The following DNM3 variants were observed in gnomAD, a reference collection of about 807,000 sequenced individuals.
The protein encoded by DNM3 is dynamin 3, also known as dynamin-3.
DNM3 carries 47 observed loss-of-function variants against 101.6 expected under a neutral mutation model. The ratio of observed to expected loss-of-function variants is 0.46; its 90% CI spans 0.37 to 0.59. The LOEUF (loss-of-function observed/expected upper bound fraction) is 0.59, where lower values mean the gene tolerates loss of function less well. Ranked by LOEUF, DNM3 falls within the 20% of genes least tolerant of loss-of-function variation. The pLI, the probability that DNM3 is intolerant of heterozygous loss-of-function variation, is 0.00. For missense variants in DNM3, 849 were observed against 1,085.7 expected (o/e 0.78, Z 3.06); for synonymous variants, 385 against 387.9 (o/e 0.99, Z 0.09).
chr1:172,386,992 C>T (rs747866004), intron 18 of DNM3, 141 bp from the exon 19 acceptor site: 1 of 662,674 alleles, frequency 1.5e-6, no homozygotes, highest in South Asian at 1.9e-5. Flanking sequence ...TAAACAGACG[C>T]TTGGTGCTTC....
At chr1:172,286,906 C>G (rs2063722944) in intron 15 of DNM3, among the ~76,000 whole-genome samples, 1 of 152,232 alleles carries the variant, frequency 6.6e-6, no homozygotes, top group South Asian at 2.1e-4. Flanking sequence ...ATGTCTTGCT[C>G]ATACTTCAAC....
intron 13 of DNM3, among the ~76,000 whole-genome samples, chr1:172,122,318 A>T (rs2056372431): frequency 6.6e-6 from 1 of 152,190 alleles, no homozygotes; most frequent in Non-Finnish European, 1.5e-5. Flanking sequence ...AATAGGTACT[A>T]ATCTAAATCC....
intron 4 of DNM3, among the ~76,000 whole-genome samples, chr1:172,021,031 G>A (rs902500545): frequency 1.3e-5 from 2 of 152,194 alleles, no homozygotes; most frequent in Non-Finnish European, 2.9e-5. Flanking sequence ...TTTGGGAACA[G>A]CTAATTGTCT....
At chr1:172,305,219 G>A (rs1032463939) in intron 15 of DNM3, among the ~76,000 whole-genome samples, 3 of 152,152 alleles carry the variant, frequency 2.0e-5, no homozygotes, top group African/African-American at 4.8e-5. Context: ...CGATCCCACA[G>A]AAATACAAAC....
chr1:171,893,077 C>T (rs1277907334), intron 1 of DNM3, among the ~76,000 whole-genome samples: 1 of 149,868 alleles, frequency 6.7e-6, no homozygotes, highest in East Asian at 1.9e-4. Context: ...GCAGACTCCA[C>T]TCATTTCCAA....
At chr1:171,880,913 A>T (rs1222423896) in intron 1 of DNM3, among the ~76,000 whole-genome samples, 1 of 152,162 alleles carries the variant, frequency 6.6e-6, no homozygotes, top group East Asian at 1.9e-4. Flanking sequence ...AGTAAAAAAA[A>T]AACCTATGTG....
At position 172,038,332 on chromosome 1, in the gene DNM3, AC is replaced by A; in HGVS notation, c.864del (p.His288GlnfsTer20). On this transcript the variant is annotated frameshift_variant, in exon 7 of 21. Coordinates refer to ENST00000627582, the MANE Select transcript of DNM3 (RefSeq NM_015569.5). LOFTEE classifies it high-confidence loss of function. ...QKVLNQQLTNHIRDTLPNFRN... is the reference protein window; with the variant it reads ...QKVLNQQLTNXIRDTLPNFRN... ...TGTTTTGTTTAGCAACTTACCAACC[AC>A]ATTCGGGATACCCTACCAAACTTCA... 1 of 1,613,330 alleles carries A rather than the reference AC, an allele frequency of 6.2e-7. No homozygotes were observed. The highest frequency in any genetic ancestry group is 8.5e-7 in the Non-Finnish European group (1 of 1,179,494).
At chr1:171,916,466 C>G (rs2039716980) in intron 1 of DNM3, among the ~76,000 whole-genome samples, 1 of 152,224 alleles carries the variant, frequency 6.6e-6, no homozygotes, top group African/African-American at 2.4e-5. Context: ...TTTATCCTAA[C>G]TCTTCCATAT....
chr1:171,981,527 A>G (rs910722423), intron 2 of DNM3, among the ~76,000 whole-genome samples: 1 of 152,256 alleles, frequency 6.6e-6, no homozygotes, highest in East Asian at 1.9e-4. Flanking sequence ...GCATAAATGC[A>G]TCTCATCCTT....
intron 15 of DNM3, among the ~76,000 whole-genome samples, chr1:172,253,895 C>T (rs1016540237): frequency 1.3e-5 from 2 of 152,022 alleles, no homozygotes; most frequent in African/African-American, 2.4e-5. Context: ...CAAGTGTTAA[C>T]TAATTATTTC....
chr1:171,970,852 T>C (rs2043940566), intron 2 of DNM3, among the ~76,000 whole-genome samples: 1 of 152,028 alleles, frequency 6.6e-6, no homozygotes, highest in South Asian at 2.1e-4. Context: ...AAGAATCAAG[T>C]AGCTATTATC....
intron 15 of DNM3, among the ~76,000 whole-genome samples, chr1:172,297,509 C>T (rs1451006538): frequency 6.6e-6 from 1 of 151,892 alleles, no homozygotes; most frequent in East Asian, 1.9e-4. Context: ...TAATTTTGGC[C>T]TTAATCTGTG....
Position 172,410,687 on chromosome 1 carries a change from G to A in DNM3, c.*2846G>A, listed in dbSNP as rs141075507. 254 of 985,322 alleles carry A rather than the reference G, an allele frequency of 2.6e-4. 1 individual carries two copies. In the East Asian group the frequency reaches 0.021, roughly 81 times the overall value. The allele number at this position is 985,322 out of a possible 1,614,324, so 61.0% of individuals were successfully genotyped here. A position where few individuals can be genotyped will look rare whatever the true frequency, so the allele number is the denominator to read the frequency against. ...CCGTGTTTTATAACATAGACGAGCA[G>A]TAGGGTCTGTTTATTAGCAAATTTC... On this transcript the variant is annotated 3_prime_UTR_variant, in exon 21 of 21. Coordinates refer to ENST00000627582, the MANE Select transcript of DNM3 (RefSeq NM_015569.5).
At chr1:172,379,566 T>C (rs764363035) in intron 18 of DNM3, among the ~76,000 whole-genome samples, 4 of 152,082 alleles carry the variant, frequency 2.6e-5, no homozygotes, top group African/African-American at 9.7e-5. Context: ...CCTATGCCCA[T>C]GCGTGTGCAT....
intron 1 of DNM3, among the ~76,000 whole-genome samples, chr1:171,865,354 A>G (rs1400503985): frequency 1.3e-5 from 2 of 151,778 alleles, no homozygotes; most frequent in East Asian, 1.9e-4. Flanking sequence ...CATCTCTACA[A>G]AAAAATACAA....
At chr1:171,843,595 T>C (rs1200653357) in intron 1 of DNM3, among the ~76,000 whole-genome samples, 1 of 152,236 alleles carries the variant, frequency 6.6e-6, no homozygotes, top group Non-Finnish European at 1.5e-5. Flanking sequence ...CTCCCATATA[T>C]TTACTTGGAT....
rs1436561784 is a variant in DNM3 at position 171,988,843 on chromosome 1, A to G, written c.386-102A>G. 2.9e-6 allele frequency: 3 copies of G among 1,032,788 alleles called. No individual in the cohort carries two copies. The African/African-American group carries it at 4.8e-5, about 17-fold the overall frequency. 64.0% of individuals were successfully genotyped at this position (1,032,788 alleles called of 1,614,324 possible). On this transcript the variant is annotated intron_variant, in intron 3 of 20. Transcript: ENST00000627582. ...CTACACACATGGGTTGGAGTTGTTC[A>G]GATACACAAAGTAGAAGGCTGAGCT...
intron 14 of DNM3, among the ~76,000 whole-genome samples, chr1:172,203,316 G>T (rs2060214841): frequency 6.6e-6 from 1 of 152,122 alleles, no homozygotes; most frequent in African/African-American, 2.4e-5. Flanking sequence ...CTGAGAATTG[G>T]TGTTGCATTT....
chr1:172,398,660 G>A (rs992999252), intron 20 of DNM3, among the ~76,000 whole-genome samples: 6 of 151,992 alleles, frequency 3.9e-5, no homozygotes, highest in African/African-American at 9.7e-5. Flanking sequence ...ATCTTCTTAC[G>A]TACAGCCTCC....
Sources: allele counts gnomAD v4.1 joint callset (sites outside exome capture counted in the v4.1 genomes callset), GRCh38; gene constraint gnomAD v4.1.1; transcripts MANE v1.5; gene names NCBI Gene and HGNC (gene_info 2026-07-23, HGNC 2026-07-21).